The following ANAPC10 variants were observed in gnomAD, a reference collection of about 807,000 sequenced individuals.
The protein encoded by ANAPC10 is anaphase-promoting complex subunit 10.
ANAPC10 carries 12 observed loss-of-function variants against 22.0 expected under a neutral mutation model. The ratio of observed to expected loss-of-function variants is 0.55; its 90% CI spans 0.35 to 0.88. The LOEUF (loss-of-function observed/expected upper bound fraction) is 0.88, where lower values mean the gene tolerates loss of function less well. Among genes scored for constraint, ANAPC10 ranks in the 40% least tolerant of loss-of-function variants. The pLI is 0.01. For synonymous variants in ANAPC10, 65 were observed against 69.5 expected, an observed-to-expected ratio of 0.94 and a Z score of 0.32; for missense variants, 188 against 220.9, an observed-to-expected ratio of 0.85 and a Z score of 0.94.
chr4:145,063,821 A>G (rs1743260356), intron 4 of ANAPC10, among the ~76,000 whole-genome samples: 1 of 152,166 alleles, frequency 6.6e-6, no homozygotes, highest in Non-Finnish European at 1.5e-5. Flanking sequence ...TACGTGGACA[A>G]ATCTCAAAAA....
At chr4:144,996,909 G>A (rs1333239809) in intron 4 of ANAPC10, among the ~76,000 whole-genome samples, 1 of 152,164 alleles carries the variant, frequency 6.6e-6, no homozygotes, top group East Asian at 1.9e-4. Flanking sequence ...CCATGAAGCT[G>A]AAAACCATGG....
intron 4 of ANAPC10, among the ~76,000 whole-genome samples, chr4:145,018,216 A>C (rs1396855659): frequency 6.6e-6 from 1 of 151,868 alleles, no homozygotes; most frequent in Non-Finnish European, 1.5e-5. Flanking sequence ...AAACCAAAAA[A>C]TCAAGGTATA....
chr4:145,013,360 T>C (rs1259141616), intron 4 of ANAPC10, among the ~76,000 whole-genome samples: 1 of 152,114 alleles, frequency 6.6e-6, no homozygotes, highest in African/African-American at 2.4e-5. Context: ...TAGGTATGTA[T>C]GGCTGGATTA....
chr4:145,040,637 GC>G (rs1739373563), intron 4 of ANAPC10, among the ~76,000 whole-genome samples: 1 of 152,146 alleles, frequency 6.6e-6, no homozygotes, highest in Admixed American at 6.5e-5. Context: ...TATACAATCT[GC>G]CCAAGGGTCA....
chr4:145,053,983 G>A lies in ANAPC10; in HGVS notation c.327+10589C>T, dbSNP rs541815339. Reference sequence around the variant, plus strand: ...GACTGCAGTGGTGCAATCTCAGCTCGCTGCAACCTCTGCCTCCCAGGTTCA... The same window carrying A: ...GACTGCAGTGGTGCAATCTCAGCTCACTGCAACCTCTGCCTCCCAGGTTCA... On this transcript the variant is annotated intron_variant, in intron 4 of 4. Transcript: ENST00000507656. 1.9e-4 allele frequency among the ~76,000 whole-genome samples: 29 copies of A among 151,524 alleles called. No individual in the cohort carries two copies. In the South Asian group the frequency reaches 6.0e-3, roughly 32 times the overall value.
intron 4 of ANAPC10, among the ~76,000 whole-genome samples, chr4:145,002,810 A>C (rs915476697): frequency 6.6e-6 from 1 of 152,192 alleles, no homozygotes; most frequent in Non-Finnish European, 1.5e-5. Flanking sequence ...AAATTTTTTA[A>C]ACTTACAAAA....
intron 4 of ANAPC10, among the ~76,000 whole-genome samples, chr4:145,011,061 G>A (rs1017020813): frequency 6.6e-6 from 1 of 152,080 alleles, no homozygotes; most frequent in African/African-American, 2.4e-5. Flanking sequence ...CCTGAACGCA[G>A]TGGCTCACGT....
intron 4 of ANAPC10, among the ~76,000 whole-genome samples, chr4:145,019,534 G>C (rs978095957): frequency 2.6e-5 from 4 of 151,964 alleles, no homozygotes; most frequent in Non-Finnish European, 4.4e-5. Context: ...ACACCTCAAG[G>C]AACTAGAGAA....
At chr4:145,012,195 T>TACAC (rs1553963655) in intron 4 of ANAPC10, among the ~76,000 whole-genome samples, 4 of 147,142 alleles carry the variant, frequency 2.7e-5, no homozygotes, top group African/African-American at 7.5e-5. Flanking sequence ...TATATATATA[T>TACAC]ACACACACAC....
chr4:145,061,398 A>G (rs1315806768), intron 4 of ANAPC10, among the ~76,000 whole-genome samples: 2 of 152,184 alleles, frequency 1.3e-5, no homozygotes, highest in Non-Finnish European at 2.9e-5. Context: ...ATGAATATGT[A>G]CACTTCCCAA....
At chr4:145,011,387 A>AAAATAAAATT (rs1560819890) in intron 4 of ANAPC10, among the ~76,000 whole-genome samples, 7 of 151,374 alleles carry the variant, frequency 4.6e-5, no homozygotes, top group African/African-American at 1.7e-4. Context: ...AAAATAAAAT[A>AAAATAAAATT]AAATTCAAGA....
chr4:145,052,309 G>T (rs1224333082), intron 4 of ANAPC10, among the ~76,000 whole-genome samples: 1 of 152,084 alleles, frequency 6.6e-6, no homozygotes, highest in East Asian at 1.9e-4. Flanking sequence ...ATGTTAATTA[G>T]CTTGATTTAG....
At chr4:145,084,166 C>G (rs1746519596) in intron 2 of ANAPC10, among the ~76,000 whole-genome samples, 2 of 152,124 alleles carry the variant, frequency 1.3e-5, no homozygotes, top group Non-Finnish European at 2.9e-5. Context: ...TATGTCTGTT[C>G]CACGTAATCC....
chr4:144,995,047 G>A lies in ANAPC10; in HGVS notation c.*326C>T, dbSNP rs1480758863. On this transcript the variant is annotated 3_prime_UTR_variant, in exon 5 of 5. Transcript: ENST00000507656. ...TGAACACTAATGAAATAATCACCTA[G>A]CTATTATAATTGTGTATATACTGAA... is the stretch of plus-strand genomic sequence containing the variant. 1 of 176,616 alleles carries A rather than the reference G, an allele frequency of 5.7e-6. No homozygotes were observed. Among genetic ancestry groups the A allele is most frequent in the Non-Finnish European group, 1.2e-5 (1 of 83,860 alleles). 10.9% of individuals were successfully genotyped at this position (176,616 alleles called of 1,614,324 possible).
chr4:145,001,137 A>G (rs1732483487), intron 4 of ANAPC10, among the ~76,000 whole-genome samples: 1 of 151,492 alleles, frequency 6.6e-6, no homozygotes, highest in Admixed American at 6.6e-5. Flanking sequence ...TACCTATGTA[A>G]CAAACCTGCA....
intron 4 of ANAPC10, among the ~76,000 whole-genome samples, chr4:145,017,681 T>C (rs1735387082): frequency 6.6e-6 from 1 of 152,144 alleles, no homozygotes; most frequent in African/African-American, 2.4e-5. Flanking sequence ...GTATGTTTAT[T>C]GCAGCACTAC....
chr4:145,018,265 C>T (rs1735494214), intron 4 of ANAPC10, among the ~76,000 whole-genome samples: 1 of 151,986 alleles, frequency 6.6e-6, no homozygotes, highest in African/African-American at 2.4e-5. Context: ...TGGTACCTCA[C>T]ATCTCAATAC....
chr4:145,092,183 G>C (rs1344783820), intron 2 of ANAPC10, among the ~76,000 whole-genome samples: 2 of 152,116 alleles, frequency 1.3e-5, no homozygotes, highest in Non-Finnish European at 2.9e-5. Context: ...TAGGGGGAGG[G>C]AGAGCATTAG....
chr4:145,080,907 CAAAAAAA>C lies in ANAPC10; in HGVS notation c.206+746_206+752del, dbSNP rs58188670. Reference sequence around the variant, plus strand: ...GGGCAACAAGAGCAAAACTCCATCTCAAAAAAAAAAAAAAAAAAAAAGATGGTATAAA... The same window carrying C: ...GGGCAACAAGAGCAAAACTCCATCTCAAAAAAAAAAAAAAGATGGTATAAA... On this transcript the variant is annotated intron_variant, in intron 3 of 4. Transcript: ENST00000507656. Among the ~76,000 whole-genome samples, 108 of 38,840 alleles carry C rather than the reference CAAAAAAA, an allele frequency of 2.8e-3. 1 individual carries two copies. The highest frequency in any genetic ancestry group is 9.8e-3 in the African/African-American group (101 of 10,260). 25.5% of individuals were successfully genotyped at this position (38,840 alleles called of 152,430 possible).
Sources: gnomAD v4.1 joint callset for allele counts (sites outside exome capture counted in the v4.1 genomes callset) on GRCh38, gnomAD v4.1.1 for gene constraint, MANE v1.5 for transcripts, NCBI Gene and HGNC (gene_info 2026-07-23, HGNC 2026-07-21) for gene names.